Variants in PALM2AKAP2 observed in about 807,000 individuals in gnomAD.
PALM2AKAP2 encodes PALM2 and AKAP2 fusion.
In PALM2AKAP2, 37 loss-of-function variants were observed where a neutral mutation model predicts 71.5. The observed-to-expected ratio is 0.52, with a 90% CI of 0.40 to 0.68. The LOEUF (loss-of-function observed/expected upper bound fraction) is 0.68, where lower values mean the gene tolerates loss of function less well. Among genes scored for constraint, PALM2AKAP2 ranks in the 30% least tolerant of loss-of-function variants. PALM2AKAP2 has a pLI of 0.00. For synonymous variants in PALM2AKAP2, 468 were observed against 478.8 expected (o/e 0.98, Z 0.29); for missense variants, 1,224 against 1,191.8 (o/e 1.03, Z -0.40).
At chr9:110,135,527 A>G (rs1246467555) in intron 1 of PALM2AKAP2, among the ~76,000 whole-genome samples, 1 of 152,032 alleles carries the variant, frequency 6.6e-6, no homozygotes, top group Non-Finnish European at 1.5e-5. Context: ...AAAGAGTATT[A>G]TTTTGATGCA....
At chr9:109,918,235 A>G (rs978990000) in intron 3 of PALM2AKAP2, among the ~76,000 whole-genome samples, 4 of 152,224 alleles carry the variant, frequency 2.6e-5, no homozygotes, top group Non-Finnish European at 4.4e-5. Context: ...AGATGGATGA[A>G]TGTCTAAATA....
intron 3 of PALM2AKAP2, among the ~76,000 whole-genome samples, chr9:109,880,911 G>A (rs917911929): frequency 1.3e-5 from 2 of 152,002 alleles, no homozygotes; most frequent in Admixed American, 1.3e-4. Flanking sequence ...TAAGTTTAGG[G>A]GTACAAATAC....
intron 1 of PALM2AKAP2, among the ~76,000 whole-genome samples, chr9:109,739,461 A>T (rs1255618815): frequency 6.6e-6 from 1 of 152,208 alleles, no homozygotes; most frequent in East Asian, 1.9e-4. Context: ...TCCTTGGTAT[A>T]TAGGTGTATA....
chr9:110,057,167 C>A (rs565537880), intron 1 of PALM2AKAP2, among the ~76,000 whole-genome samples: 1 of 152,192 alleles, frequency 6.6e-6, no homozygotes, highest in South Asian at 2.1e-4. Context: ...AGGGTCTCTC[C>A]GTGTCACCCA....
chr9:109,844,981 G>A (rs370051092), intron 1 of PALM2AKAP2, among the ~76,000 whole-genome samples: 2 of 149,764 alleles, frequency 1.3e-5, no homozygotes, highest in East Asian at 2.0e-4. Context: ...ACGCATGCAC[G>A]CACACACGCT....
intron 6 of PALM2AKAP2, among the ~76,000 whole-genome samples, chr9:110,003,125 G>T (rs1292499486): frequency 1.3e-5 from 2 of 152,078 alleles, no homozygotes; most frequent in African/African-American, 4.8e-5. Context: ...TGTGATGTTA[G>T]GGTGTCAATT....
At chr9:109,648,118 T>C (rs1398246218) in intron 1 of PALM2AKAP2, among the ~76,000 whole-genome samples, 1 of 152,208 alleles carries the variant, frequency 6.6e-6, no homozygotes, top group East Asian at 1.9e-4. Context: ...CAGTTTCCCC[T>C]GCTCTTTCTC....
chr9:109,965,260 A>G (rs906448254), intron 6 of PALM2AKAP2, among the ~76,000 whole-genome samples: 6 of 152,246 alleles, frequency 3.9e-5, no homozygotes, highest in Admixed American at 1.3e-4. Flanking sequence ...ATTGAGAGCA[A>G]GGACTCGAAC....
rs536213081 is a variant in PALM2AKAP2 at position 110,071,664 on chromosome 9, C to CTA, written c.156+22811_156+22812dup. Among the ~76,000 whole-genome samples, 26 of 152,314 alleles carry CTA rather than the reference C, an allele frequency of 1.7e-4. No homozygotes were observed. In the East Asian group the frequency reaches 4.8e-3, roughly 28 times the overall value. On this transcript the variant is annotated intron_variant, in intron 1 of 3. Transcript: ENST00000374525. Reference sequence around the variant, plus strand: ...AGAATCTTCCTGTGCAATGATTGCTCTATGCCCTGATACATAGAAAATGGG... The same window carrying CTA: ...AGAATCTTCCTGTGCAATGATTGCTCTATATGCCCTGATACATAGAAAATGGG...
At chr9:109,820,744 T>A (rs2250275) in intron 1 of PALM2AKAP2, among the ~76,000 whole-genome samples, 33,117 of 152,112 alleles carry the variant, frequency 0.22, 4,078 homozygotes, top group South Asian at 0.36. Flanking sequence ...ATGGGTTGAC[T>A]GGAGCCTAAG....
chr9:109,880,049 G>T (rs1036774580), intron 2 of PALM2AKAP2, among the ~76,000 whole-genome samples: 5 of 152,156 alleles, frequency 3.3e-5, no homozygotes, highest in African/African-American at 2.4e-5. Context: ...AGATGATTGG[G>T]AGTCATTAAA....
chr9:109,931,060 T>A (rs936124095), intron 5 of PALM2AKAP2, among the ~76,000 whole-genome samples: 1 of 152,194 alleles, frequency 6.6e-6, no homozygotes, highest in Non-Finnish European at 1.5e-5. Context: ...AGGGATCACA[T>A]CTCATGGTGC....
chr9:109,780,311 C>A, upstream of PALM2AKAP2: 1 of 1,357,332 alleles, frequency 7.4e-7, no homozygotes. Context: ...AGGCTGAGCC[C>A]GGGCGAGCCC....
At chr9:110,017,005 G>A (rs969942147) in intron 7 of PALM2AKAP2, among the ~76,000 whole-genome samples, 5 of 152,000 alleles carry the variant, frequency 3.3e-5, no homozygotes, top group Non-Finnish European at 5.9e-5. Flanking sequence ...TCAGCCTCCT[G>A]AGTAGCTGGG....
At chr9:110,039,695 TAGC>T (rs10536981) in intron 7 of PALM2AKAP2, among the ~76,000 whole-genome samples, 100,773 of 151,310 alleles carry the variant, frequency 0.67, 34,106 homozygotes, top group African/African-American at 0.8. Context: ...TCAAACATAG[TAGC>T]AGCAGCAGCA....
chr9:109,725,659 T>C (rs560098165), intron 1 of PALM2AKAP2, among the ~76,000 whole-genome samples: 1 of 152,294 alleles, frequency 6.6e-6, no homozygotes, highest in East Asian at 1.9e-4. Flanking sequence ...GCATTAAAAA[T>C]GATGTCATAG....
chr9:109,776,652 C>T (rs1829352556), upstream of PALM2AKAP2, among the ~76,000 whole-genome samples: 1 of 152,184 alleles, frequency 6.6e-6, no homozygotes, highest in Non-Finnish European at 1.5e-5. Context: ...GGATGTGGCT[C>T]TGCCTCTCAC....
intron 3 of PALM2AKAP2, among the ~76,000 whole-genome samples, chr9:109,921,542 G>A (rs1830829656): frequency 6.6e-6 from 1 of 152,178 alleles, no homozygotes; most frequent in South Asian, 2.1e-4. Flanking sequence ...TAAGACTTCT[G>A]ATAAAACAAA....
chr9:109,861,083 C>G (rs895039736), intron 1 of PALM2AKAP2, among the ~76,000 whole-genome samples: 77 of 152,214 alleles, frequency 5.1e-4, no homozygotes, highest in African/African-American at 1.7e-3. Flanking sequence ...CTGCTGTGCC[C>G]TGGGGCGCGA....
Sources: gnomAD v4.1 joint callset for allele counts (sites outside exome capture counted in the v4.1 genomes callset) on GRCh38, gnomAD v4.1.1 for gene constraint, MANE v1.5 for transcripts, NCBI Gene and HGNC (gene_info 2026-07-23, HGNC 2026-07-21) for gene names.